The following LTBR variants were observed in gnomAD, a reference collection of about 807,000 sequenced individuals.
LTBR encodes lymphotoxin beta receptor.
A neutral mutation model predicts 45.4 loss-of-function variants in LTBR; 15 were observed. The observed-to-expected ratio is 0.33, with a 90% CI of 0.22 to 0.51. The LOEUF is 0.51. Ranked by LOEUF, LTBR falls within the 20% of genes least tolerant of loss-of-function variation. The probability of loss-of-function intolerance (pLI) is 0.97; values close to 1 mark genes in which losing one functional copy is unlikely to be tolerated. For missense variants in LTBR, 450 were observed against 565.5 expected (o/e 0.80, Z 2.07); for synonymous variants, 228 against 231.0 (o/e 0.99, Z 0.12).
intron 1 of LTBR, chr12:6,376,207 C>G (rs748408615): frequency 1.0e-6 from 1 of 984,168 alleles, no homozygotes; most frequent in South Asian, 4.7e-5. Flanking sequence ...AGGTGGGATG[C>G]GTCTGCCTCC....
Position 6,384,318 on chromosome 12 carries a change from C to T in LTBR, c.-41C>T. 1.4e-6 allele frequency: 2 copies of T among 1,450,656 alleles called. No homozygotes were observed. The highest frequency in any genetic ancestry group is 1.8e-6 in the Non-Finnish European group (2 of 1,107,696). 89.9% of individuals were successfully genotyped at this position (1,450,656 alleles called of 1,614,324 possible). A position where few individuals can be genotyped will look rare whatever the true frequency, so the allele number is the denominator to read the frequency against. ...GGACGTCGGGCCTCCTGCCTTCCTC[C>T]CAGGCCCCCACGTTGCTGGCCGCCT... On this transcript the variant is annotated 5_prime_UTR_variant, in exon 1 of 10. Coordinates refer to ENST00000228918, the MANE Select transcript of LTBR (RefSeq NM_002342.3).
At chr12:6,375,397 C>A, upstream of LTBR, 1 of 1,499,186 alleles carries the variant, frequency 6.7e-7, no homozygotes, top group South Asian at 1.3e-5. Flanking sequence ...GACTGCAGGG[C>A]TCCAGGAGGT....
At position 6,377,389 on chromosome 12, in the gene LTBR, C is replaced by G. The variant is rs758984623; in HGVS notation, c.39+1795C>G. The G allele has an allele frequency of 1.6e-4, 128 of 824,840 alleles. 1 individual carries two copies. The highest frequency in any genetic ancestry group is 5.3e-4 in the South Asian group (33 of 62,314). The allele number at this position is 824,840 out of a possible 1,614,324, so 51.1% of individuals were successfully genotyped here. ...AACAAAATAGGAGCAGAGCTATAAA[C>G]AGAATTCAGAATTCTCCTCCTCCTC... On this transcript the variant is annotated intron_variant, in intron 1 of 9. Coordinates refer to the LTBR transcript ENST00000539925.
chr12:6,385,641 C>T (rs553884684), intron 4 of LTBR: 74 of 508,356 alleles, frequency 1.5e-4, no homozygotes, highest in African/African-American at 2.1e-4. Flanking sequence ...GTGTGGTGGC[C>T]CACGCCTGTA....
In LTBR at chr12:6,386,266, C is replaced by A; in HGVS notation, c.570-81C>A. 6.7e-7 allele frequency: 1 copy of A among 1,490,242 alleles called. No individual in the cohort carries two copies. Among genetic ancestry groups the A allele is most frequent in the Non-Finnish European group, 9.3e-7 (1 of 1,071,250 alleles). The allele number at this position is 1,490,242 out of a possible 1,614,324, so 92.3% of individuals were successfully genotyped here. A position where few individuals can be genotyped will look rare whatever the true frequency, so the allele number is the denominator to read the frequency against. ...CACCACGGACTCGACTCACCACTTT[C>A]AGCCTCCCCGCCTGCCCAGTGGAGT... is the stretch of plus-strand genomic sequence containing the variant. On this transcript the variant is annotated intron_variant, in intron 5 of 9. Coordinates refer to ENST00000228918, the MANE Select transcript of LTBR (RefSeq NM_002342.3). The surrounding 1 kb of genome is among the most constrained non-coding windows in gnomAD (Gnocchi z 4.1).
chr12:6,388,273 G>T lies in LTBR; in HGVS notation c.668-125G>T. 1.5e-6 allele frequency: 1 copy of T among 683,806 alleles called. No homozygotes were observed. The highest frequency in any genetic ancestry group is 2.3e-5 in the Admixed American group (1 of 42,682). 42.4% of individuals were successfully genotyped at this position (683,806 alleles called of 1,614,324 possible). Reference sequence around the variant, plus strand: ...GCCTTTAGGAGCTGCATTGTGTCTAGAAGGAAAAAAGCTGCTCCCTTTTCT... The same window carrying T: ...GCCTTTAGGAGCTGCATTGTGTCTATAAGGAAAAAAGCTGCTCCCTTTTCT... On this transcript the variant is annotated intron_variant, in intron 6 of 9. Coordinates refer to ENST00000228918, the MANE Select transcript of LTBR (RefSeq NM_002342.3). This position sits in a 1 kb window ranked among gnomAD's most constrained non-coding sequence, Gnocchi z 4.3.
intron 1 of LTBR, chr12:6,377,677 G>A (rs956443458): frequency 1.1e-5 from 14 of 1,299,634 alleles, no homozygotes; most frequent in African/African-American, 1.5e-5. Context: ...ATTGGGCATG[G>A]TCCTCCCTGC....
chr12:6,387,877 C>T (rs1474301978), intron 6 of LTBR: 1 of 455,330 alleles, frequency 2.2e-6, no homozygotes, highest in East Asian at 7.0e-5. Flanking sequence ...AAGCAAGTTT[C>T]CCTACTCTCT....
chr12:6,383,352 G>A (rs189519610), upstream of LTBR, among the ~76,000 whole-genome samples: 548 of 152,286 alleles, frequency 3.6e-3, 1 homozygote, highest in Non-Finnish European at 3.9e-3. Context: ...CTGGAATCCC[G>A]GTTCCCTTAT....
chr12:6,384,754 C>T (rs1949019708), intron 2 of LTBR, 70 bp downstream of exon 2: 19 of 1,446,216 alleles, frequency 1.3e-5, no homozygotes, highest in Non-Finnish European at 1.6e-5. Context: ...CCCTCGCGGC[C>T]TCAGAGGGAA....
intron 4 of LTBR, 191 bp from the exon 5 acceptor site, chr12:6,385,875 A>T: frequency 2.1e-6 from 1 of 481,456 alleles, no homozygotes; most frequent in South Asian, 2.4e-5. Flanking sequence ...ACTGCACTCC[A>T]GCCTGGGCGA....
chr12:6,388,952 G>C lies in LTBR; in HGVS notation c.801+127G>C. ...TCATTCATTCAACTGATGATTTACT[G>C]AACATGCCACGTACCAGGCACTGTC... is the stretch of plus-strand genomic sequence containing the variant. On this transcript the variant is annotated intron_variant, in intron 8 of 9. Coordinates refer to ENST00000228918, the MANE Select transcript of LTBR (RefSeq NM_002342.3). This position sits in a 1 kb window ranked among gnomAD's most constrained non-coding sequence, Gnocchi z 4.3. The C allele has an allele frequency of 1.2e-5, 14 of 1,202,712 alleles. No homozygotes were observed. The South Asian group carries it at 1.9e-4, about 16-fold the overall frequency. The allele number at this position is 1,202,712 out of a possible 1,614,324, so 74.5% of individuals were successfully genotyped here. A position where few individuals can be genotyped will look rare whatever the true frequency, so the allele number is the denominator to read the frequency against.
In LTBR at chr12:6,386,215, T is replaced by C; in HGVS notation, c.569+53T>C. Reference sequence around the variant, plus strand: ...CCACCCTCTGAGAAGCCTCAGCTGCTAACAACCCCCAGCGCCTATCCTTGA... The same window carrying C: ...CCACCCTCTGAGAAGCCTCAGCTGCCAACAACCCCCAGCGCCTATCCTTGA... On this transcript the variant is annotated intron_variant, in intron 5 of 9. Coordinates refer to ENST00000228918, the MANE Select transcript of LTBR (RefSeq NM_002342.3). The surrounding 1 kb of genome is among the most constrained non-coding windows in gnomAD (Gnocchi z 4.1). 6.5e-7 allele frequency: 1 copy of C among 1,532,632 alleles called. No individual in the cohort carries two copies. Among genetic ancestry groups the C allele is most frequent in the Non-Finnish European group, 9.0e-7 (1 of 1,107,254 alleles). 94.9% of individuals were successfully genotyped at this position (1,532,632 alleles called of 1,614,324 possible). A position where few individuals can be genotyped will look rare whatever the true frequency, so the allele number is the denominator to read the frequency against.
At chr12:6,380,843 G>T (rs1460672293), upstream of LTBR, among the ~76,000 whole-genome samples, 1 of 152,136 alleles carries the variant, frequency 6.6e-6, no homozygotes, top group Non-Finnish European at 1.5e-5. Flanking sequence ...ACACCTTCTA[G>T]GCGTCCTGGG....
At chr12:6,376,596 T>C (rs1177449478) in intron 1 of LTBR, among the ~76,000 whole-genome samples, 1 of 152,166 alleles carries the variant, frequency 6.6e-6, no homozygotes, top group African/African-American at 2.4e-5. Flanking sequence ...GGCTATATTT[T>C]CTCCAAAATC....
At chr12:6,377,315 T>G (rs1327166832) in intron 1 of LTBR, 1 of 1,485,426 alleles carries the variant, frequency 6.7e-7, no homozygotes, top group Non-Finnish European at 9.2e-7. Context: ...ATTGTCCTAA[T>G]GAAGAAACTG....
chr12:6,390,078 C>T (rs772351459), intron 8 of LTBR, 34 bp from the exon 9 acceptor site: 6 of 1,434,944 alleles, frequency 4.2e-6, no homozygotes, highest in Middle Eastern at 1.7e-4. Flanking sequence ...CTGGGGCCCT[C>T]ATCATTGTTT....
At chr12:6,378,678 G>C (rs1948944824) in intron 1 of LTBR, among the ~76,000 whole-genome samples, 2 of 152,170 alleles carry the variant, frequency 1.3e-5, no homozygotes, top group African/African-American at 4.8e-5. Context: ...CAGGAGTTAG[G>C]GGTGGGGTCA....
Position 6,385,212 on chromosome 12 carries a change from C to T in LTBR, c.320-15C>T, listed in dbSNP as rs756484197. 3.7e-6 allele frequency: 6 copies of T among 1,614,126 alleles called. No individual in the cohort carries two copies. On this transcript the variant is annotated splice_polypyrimidine_tract_variant and intron_variant, in intron 3 of 9. Transcript: ENST00000228918. ...GAGCTTGGCCCCTCCCTGAGCCCTC[C>T]CGTCTCCCCGCCAGTGATGGGCCTC...
Sources: allele counts gnomAD v4.1 joint callset (sites outside exome capture counted in the v4.1 genomes callset), GRCh38; gene constraint gnomAD v4.1.1; non-coding constraint Gnocchi (gnomAD v3.1); transcripts MANE v1.5; gene names NCBI Gene and HGNC (gene_info 2026-07-23, HGNC 2026-07-21).